The following PPARGC1A variants were observed in gnomAD, a reference collection of about 807,000 sequenced individuals.
PPARGC1A encodes peroxisome proliferator-activated receptor gamma coactivator 1-alpha.
In PPARGC1A, 25 loss-of-function variants were observed where a neutral mutation model predicts 88.7. That is an observed-to-expected ratio of 0.28 (90% confidence interval 0.21 to 0.39). PPARGC1A has a LOEUF of 0.39. Among genes scored for constraint, PPARGC1A ranks in the 10% least tolerant of loss-of-function variants. The probability of loss-of-function intolerance (pLI) is 1.00; values close to 1 mark genes in which losing one functional copy is unlikely to be tolerated. For synonymous variants in PPARGC1A, 363 were observed against 355.6 expected, an observed-to-expected ratio of 1.02 and a Z score of -0.24; for missense variants, 880 against 968.7, an observed-to-expected ratio of 0.91 and a Z score of 1.22.
chr4:24,287,543 G>A, the PPARGC1A span, among the ~76,000 whole-genome samples: 1 of 151,678 alleles, frequency 6.6e-6, no homozygotes, highest in South Asian at 2.1e-4. Flanking sequence ...ATCAAGCAAA[G>A]TACCATTCTT....
At chr4:23,887,420 A>C (rs1280583774) in intron 1 of PPARGC1A, among the ~76,000 whole-genome samples, 1 of 152,208 alleles carries the variant, frequency 6.6e-6, no homozygotes, top group Non-Finnish European at 1.5e-5. Flanking sequence ...AACTGTCCTC[A>C]TCTGACATGC....
chr4:23,844,433 ATT>A (rs1437138461), intron 2 of PPARGC1A, among the ~76,000 whole-genome samples: 14 of 128,530 alleles, frequency 1.1e-4, no homozygotes, highest in African/African-American at 3.5e-4. Flanking sequence ...TATTATATAT[ATT>A]ATATATAATA....
the PPARGC1A span, among the ~76,000 whole-genome samples, chr4:24,244,568 T>G: frequency 1.3e-5 from 2 of 152,182 alleles, no homozygotes; most frequent in East Asian, 3.9e-4. Context: ...TAACCACATG[T>G]GTACAGTCTC....
At chr4:24,450,225 GTC>G in the PPARGC1A span, among the ~76,000 whole-genome samples, 2 of 152,028 alleles carry the variant, frequency 1.3e-5, no homozygotes, top group African/African-American at 4.8e-5. Flanking sequence ...TGCCACACCT[GTC>G]TCTCTCTCTC....
At chr4:24,011,545 G>A in the PPARGC1A span, among the ~76,000 whole-genome samples, 1 of 152,166 alleles carries the variant, frequency 6.6e-6, no homozygotes, top group Admixed American at 6.6e-5. Context: ...GAGAGTCACT[G>A]GGGACCATCT....
At chr4:24,219,866 T>C in the PPARGC1A span, among the ~76,000 whole-genome samples, 1 of 152,224 alleles carries the variant, frequency 6.6e-6, no homozygotes, top group Middle Eastern at 3.2e-3. Flanking sequence ...GAGTTCTTCC[T>C]GCTGATAATG....
At chr4:23,823,482 CT>C in intron 7 of PPARGC1A, among the ~76,000 whole-genome samples, 1 of 152,038 alleles carries the variant, frequency 6.6e-6, no homozygotes, top group East Asian at 1.9e-4. Flanking sequence ...CTTGAATCAA[CT>C]TTTTTAATAA....
chr4:24,332,994 CA>C, the PPARGC1A span, among the ~76,000 whole-genome samples: 1 of 152,202 alleles, frequency 6.6e-6, no homozygotes, highest in Non-Finnish European at 1.5e-5. Context: ...GTAATCCCAG[CA>C]CTTCGGGAGG....
upstream of PPARGC1A, among the ~76,000 whole-genome samples, chr4:23,892,141 G>A (rs540884600): frequency 6.2e-4 from 95 of 152,018 alleles, no homozygotes; most frequent in Non-Finnish European, 1.1e-3. Context: ...ATTAGAACAG[G>A]CTCGTTATAA....
chr4:24,221,566 T>C, the PPARGC1A span, among the ~76,000 whole-genome samples: 7 of 152,086 alleles, frequency 4.6e-5, no homozygotes, highest in Admixed American at 1.3e-4. Flanking sequence ...CCACCAAACA[T>C]AGAGGAAATA....
the PPARGC1A span, among the ~76,000 whole-genome samples, chr4:24,259,309 A>T: frequency 0.015 from 2,316 of 152,266 alleles, 62 homozygotes; most frequent in African/African-American, 0.053. Context: ...ACTCATCCTC[A>T]AATACGCAAG....
chr4:24,192,046 A>T, the PPARGC1A span, among the ~76,000 whole-genome samples: 1 of 152,150 alleles, frequency 6.6e-6, no homozygotes, highest in Non-Finnish European at 1.5e-5. Context: ...TCCCACCTCT[A>T]AGTTTATATG....
the PPARGC1A span, among the ~76,000 whole-genome samples, chr4:23,994,126 C>T: frequency 6.6e-6 from 1 of 152,150 alleles, no homozygotes; most frequent in African/African-American, 2.4e-5. Context: ...ATCCCGGTCA[C>T]CTCATGTCCA....
chr4:23,813,868 A>G lies in PPARGC1A; in HGVS notation c.1615T>C (p.Ser539Pro), dbSNP rs1199292409. ...QSYSLFNVSP[S>P]CSSFNSPCRD... ...CATGGAGAGTTAAAAGAAGAACAAG[A>G]AGGAGACACATTGAACAATGAATAG... The change falls in exon 8 of 13, where the codon TCT becomes CCT. Residue 539 changes from serine to proline, a missense_variant. By Grantham distance (74) the Ser-to-Pro change is moderately conservative. Coordinates refer to ENST00000264867, the MANE Select transcript of PPARGC1A (RefSeq NM_013261.5). The G allele has an allele frequency of 6.2e-7, 1 of 1,613,874 alleles. No homozygotes were observed. The highest frequency in any genetic ancestry group is 8.5e-7 in the Non-Finnish European group (1 of 1,179,916).
At chr4:24,026,661 T>C in the PPARGC1A span, among the ~76,000 whole-genome samples, 2 of 152,150 alleles carry the variant, frequency 1.3e-5, no homozygotes, top group Non-Finnish European at 2.9e-5. Flanking sequence ...TGGCAAGTTT[T>C]TAGACACACG....
chr4:24,447,794 G>A, the PPARGC1A span, among the ~76,000 whole-genome samples: 2 of 152,070 alleles, frequency 1.3e-5, no homozygotes, highest in East Asian at 1.9e-4. Flanking sequence ...AGAAAACATC[G>A]GCATGAAACA....
chr4:23,828,615 A>G lies in PPARGC1A; in HGVS notation c.553-11T>C, dbSNP rs2290604. 0.082 allele frequency: 131,896 copies of G among 1,612,744 alleles called. 6,241 individuals carry two copies. Among genetic ancestry groups the G allele is most frequent in the East Asian group, 0.2 (8,970 of 44,832 alleles). ...CCATGAATTCTCAGTCTTAAAAACA[A>G]GGCATAAAGAAAGCTAAAATTAGTG... On this transcript the variant is annotated splice_polypyrimidine_tract_variant and intron_variant, in intron 4 of 12. Coordinates refer to ENST00000264867, the MANE Select transcript of PPARGC1A (RefSeq NM_013261.5).
the PPARGC1A span, among the ~76,000 whole-genome samples, chr4:24,104,396 C>A: frequency 4.6e-5 from 7 of 152,152 alleles, no homozygotes; most frequent in South Asian, 1.0e-3. Context: ...ACCTTTCCCC[C>A]ACTTGGGCTC....
At chr4:23,966,849 A>C in the PPARGC1A span, among the ~76,000 whole-genome samples, 8 of 152,192 alleles carry the variant, frequency 5.3e-5, no homozygotes, top group African/African-American at 1.9e-4. Flanking sequence ...CAGGTTCAAC[A>C]TTCAGAGGAG....
Sources: gnomAD v4.1 joint callset for allele counts (sites outside exome capture counted in the v4.1 genomes callset) on GRCh38, gnomAD v4.1.1 for gene constraint, MANE v1.5 for transcripts, NCBI Gene and HGNC (gene_info 2026-07-23, HGNC 2026-07-21) for gene names.